MAP4K4: variants seen among roughly 807,000 people sequenced by gnomAD.
MAP4K4 encodes the protein HPK/GCK-like kinase HGK.
In MAP4K4, 38 loss-of-function variants were observed where a neutral mutation model predicts 189.6. That is an observed-to-expected ratio of 0.20 (90% CI 0.15 to 0.26). MAP4K4 has a LOEUF of 0.26. Ranked by LOEUF, MAP4K4 falls within the 10% of genes least tolerant of loss-of-function variation. The pLI is 1.00. For synonymous variants in MAP4K4, 610 were observed against 624.3 expected (o/e 0.98, Z 0.34); for missense variants, 1,054 against 1,726.9 (o/e 0.61, Z 6.91).
chr2:101,873,911 A>G, intron 25 of MAP4K4, 147 bp downstream of exon 25: 2 of 786,222 alleles, frequency 2.5e-6, no homozygotes, highest in Non-Finnish European at 4.1e-6. Context: ...CCTTATTTGC[A>G]ATGAGATGCA....
chr2:101,788,240 A>G (rs1419519628), intron 2 of MAP4K4, among the ~76,000 whole-genome samples: 3 of 152,186 alleles, frequency 2.0e-5, no homozygotes, highest in Admixed American at 6.5e-5. Context: ...AGGAGAAAGG[A>G]GCAAGGAAAT....
intron 2 of MAP4K4, among the ~76,000 whole-genome samples, chr2:101,710,751 A>G (rs570311297): frequency 4.0e-4 from 61 of 152,366 alleles, no homozygotes; most frequent in African/African-American, 1.3e-3. Flanking sequence ...ATTTCAATTC[A>G]GATGCTCTAG....
At chr2:101,732,356 CAGAGAA>C (rs1265921458) in intron 2 of MAP4K4, among the ~76,000 whole-genome samples, 1 of 152,158 alleles carries the variant, frequency 6.6e-6, no homozygotes, top group East Asian at 1.9e-4. Flanking sequence ...GGCAACCATT[CAGAGAA>C]AGTGGTTTTA....
chr2:101,707,295 G>A (rs1485374857), intron 2 of MAP4K4, among the ~76,000 whole-genome samples: 1 of 148,416 alleles, frequency 6.7e-6, no homozygotes. Flanking sequence ...TGTAGCCTCC[G>A]CCTTGTGGGT....
At chr2:101,723,937 A>G (rs1001080363) in intron 2 of MAP4K4, among the ~76,000 whole-genome samples, 4 of 152,134 alleles carry the variant, frequency 2.6e-5, no homozygotes, top group Non-Finnish European at 5.9e-5. Flanking sequence ...TGTTTACTAT[A>G]TCACTCACAA....
chr2:101,863,763 A>T, intron 16 of MAP4K4, 58 bp from the exon 17 acceptor site: 3 of 1,227,958 alleles, frequency 2.4e-6, no homozygotes, highest in Non-Finnish European at 3.3e-6. Context: ...GGTATTGACC[A>T]GAAAAGCCAG....
chr2:101,834,388 C>T (rs1051003765), intron 7 of MAP4K4, 21 bp from the exon 8 acceptor site: 6 of 1,580,436 alleles, frequency 3.8e-6, no homozygotes, highest in Admixed American at 1.8e-5. Context: ...GTATCTGTAA[C>T]GTACTGTTTT....
At chr2:101,844,074 C>G (rs761049405) in intron 11 of MAP4K4, 27 bp from the exon 12 acceptor site, 10 of 1,554,802 alleles carry the variant, frequency 6.4e-6, no homozygotes, top group Admixed American at 3.5e-5. Flanking sequence ...CGGTGCACAC[C>G]CCTGAAAGCC....
chr2:101,785,184 ACAT>A (rs2090008259), intron 2 of MAP4K4, among the ~76,000 whole-genome samples: 1 of 152,224 alleles, frequency 6.6e-6, no homozygotes, highest in African/African-American at 2.4e-5. Context: ...AGTATCATAA[ACAT>A]CATAAATTTT....
exon 26 of MAP4K4, chr2:101,874,191 C>T: frequency 6.2e-7 from 1 of 1,613,606 alleles, no homozygotes; most frequent in Non-Finnish European, 8.5e-7. Flanking sequence ...AGAGTGACAC[C>T]CCGGAGATTC....
chr2:101,825,439 G>A lies in MAP4K4; in HGVS notation c.417+10G>A, dbSNP rs2096303335. The stretch of plus-strand genomic sequence containing the variant: ...CAGAGAAATCCTGAGGGTAAGGAAA[G>A]TGGGTGGCTACAGTGCTCCAACTCA... On this transcript the variant is annotated intron_variant, in intron 5 of 32. Transcript: ENST00000324219. 1 of 1,584,688 alleles carries A rather than the reference G, an allele frequency of 6.3e-7. No individual in the cohort carries two copies. Among genetic ancestry groups the A allele is most frequent in the African/African-American group, 1.3e-5 (1 of 74,500 alleles).
chr2:101,764,932 T>C (rs1341455701), intron 2 of MAP4K4, among the ~76,000 whole-genome samples: 1 of 152,230 alleles, frequency 6.6e-6, no homozygotes, highest in Non-Finnish European at 1.5e-5. Flanking sequence ...TGAGCATTAT[T>C]AGTTGGACAA....
chr2:101,741,200 C>T (rs904129055), intron 2 of MAP4K4, among the ~76,000 whole-genome samples: 7 of 141,844 alleles, frequency 4.9e-5, no homozygotes, highest in South Asian at 2.2e-4. Context: ...CAGAGTCTCG[C>T]TCTGTTGCCC....
chr2:101,802,754 A>T (rs1575806018), intron 3 of MAP4K4, among the ~76,000 whole-genome samples: 2 of 152,090 alleles, frequency 1.3e-5, no homozygotes, highest in East Asian at 3.9e-4. Context: ...GTCTCCCAAG[A>T]ATATAACCTC....
chr2:101,756,186 C>T (rs905656427), intron 2 of MAP4K4, among the ~76,000 whole-genome samples: 2 of 151,980 alleles, frequency 1.3e-5, no homozygotes, highest in African/African-American at 2.4e-5. Flanking sequence ...CCTCGTGATC[C>T]GCCTGCCTCG....
At chr2:101,829,758 A>G in intron 6 of MAP4K4, 164 bp downstream of exon 6, 14 of 562,674 alleles carry the variant, frequency 2.5e-5, no homozygotes, top group Non-Finnish European at 4.2e-5. Flanking sequence ...GCTTGGCTCC[A>G]GCCTCCCCAC....
chr2:101,877,199 T>G, intron 27 of MAP4K4, 53 bp downstream of exon 27: 24 of 1,557,424 alleles, frequency 1.5e-5, no homozygotes, highest in Non-Finnish European at 1.9e-5. Context: ...AACAATATTG[T>G]AGCTTTACAC....
At chr2:101,743,556 T>C (rs894669684) in intron 2 of MAP4K4, among the ~76,000 whole-genome samples, 1 of 152,150 alleles carries the variant, frequency 6.6e-6, no homozygotes, top group Non-Finnish European at 1.5e-5. Context: ...GATGCTGTTG[T>C]CCTTTATTTC....
At chr2:101,746,967 C>G (rs2065911547) in intron 2 of MAP4K4, among the ~76,000 whole-genome samples, 1 of 152,080 alleles carries the variant, frequency 6.6e-6, no homozygotes, top group African/African-American at 2.4e-5. Context: ...ACATTTTGCC[C>G]TTGTGTCCCC....
Sources: allele counts gnomAD v4.1 joint callset (sites outside exome capture counted in the v4.1 genomes callset), GRCh38; gene constraint gnomAD v4.1.1; transcripts MANE v1.5; gene names NCBI Gene and HGNC (gene_info 2026-07-23, HGNC 2026-07-21).